Variants in ALDH1A2 observed in about 807,000 individuals in gnomAD.
The protein encoded by ALDH1A2 is aldehyde dehydrogenase 1 family member A2, also known as retinal dehydrogenase 2.
A neutral mutation model predicts 60.3 loss-of-function variants in ALDH1A2; 27 were observed. The ratio of observed to expected loss-of-function variants is 0.45; its 90% CI spans 0.33 to 0.62. The LOEUF (loss-of-function observed/expected upper bound fraction) is 0.62. ALDH1A2 is among the 20% of genes least tolerant of loss of function. The pLI is 0.02. For missense variants in ALDH1A2, 581 were observed against 643.8 expected, an observed-to-expected ratio of 0.90 and a Z score of 1.06; for synonymous variants, 289 against 232.4, an observed-to-expected ratio of 1.24 and a Z score of -2.21.
chr15:58,008,896 A>T (rs1345236776), intron 4 of ALDH1A2, among the ~76,000 whole-genome samples: 2 of 152,060 alleles, frequency 1.3e-5, no homozygotes, highest in African/African-American at 4.8e-5. Context: ...GGCCATCCCC[A>T]CATCTTGCAA....
intron 1 of ALDH1A2, among the ~76,000 whole-genome samples, chr15:58,043,352 T>G (rs574876033): frequency 1.1e-4 from 17 of 152,136 alleles, no homozygotes; most frequent in Admixed American, 2.0e-4. Flanking sequence ...TTACAACCCT[T>G]GAGTTCTAAT....
chr15:58,046,145 C>G (rs1299035250), intron 1 of ALDH1A2, among the ~76,000 whole-genome samples: 1 of 151,982 alleles, frequency 6.6e-6, no homozygotes, highest in African/African-American at 2.4e-5. Flanking sequence ...TCCCAAACCA[C>G]AAAGGAATAG....
chr15:57,980,157 A>G (rs1281839046), intron 7 of ALDH1A2: 3 of 284,978 alleles, frequency 1.1e-5, no homozygotes, highest in Non-Finnish European at 2.2e-5. Flanking sequence ...CCGATGACGC[A>G]CTGGCCAGCC....
At chr15:57,965,150 C>G (rs1299073348) in intron 8 of ALDH1A2, among the ~76,000 whole-genome samples, 3 of 152,138 alleles carry the variant, frequency 2.0e-5, no homozygotes, top group Non-Finnish European at 4.4e-5. Context: ...AGTTACTTCT[C>G]TAAGCCTCTG....
At chr15:58,004,506 G>C (rs1017291646) in intron 4 of ALDH1A2, among the ~76,000 whole-genome samples, 1 of 151,550 alleles carries the variant, frequency 6.6e-6, no homozygotes, top group Non-Finnish European at 1.5e-5. Context: ...CTCCCAATGT[G>C]TATTAGGTCT....
At chr15:57,992,466 G>T (rs1894928050) in intron 7 of ALDH1A2, among the ~76,000 whole-genome samples, 1 of 152,138 alleles carries the variant, frequency 6.6e-6, no homozygotes, top group South Asian at 2.1e-4. Flanking sequence ...CACCTTCTGG[G>T]ATAGTTCTTA....
intron 1 of ALDH1A2, among the ~76,000 whole-genome samples, chr15:58,058,738 G>C (rs957949561): frequency 6.6e-6 from 1 of 152,128 alleles, no homozygotes; most frequent in African/African-American, 2.4e-5. Flanking sequence ...GCTCTCCAAA[G>C]GTCAGACAGT....
chr15:58,046,103 A>G (rs1896633232), intron 1 of ALDH1A2, among the ~76,000 whole-genome samples: 1 of 152,060 alleles, frequency 6.6e-6, no homozygotes, highest in African/African-American at 2.4e-5. Flanking sequence ...ACTCCCTGCA[A>G]CAAAGGCTTT....
intron 7 of ALDH1A2, chr15:57,980,316 G>C (rs1372049381): frequency 1.4e-5 from 6 of 419,380 alleles, no homozygotes; most frequent in Admixed American, 9.7e-5. Context: ...CTCTCAAACA[G>C]GTTGTTGGCC....
At chr15:58,056,700 A>C (rs1363636562) in intron 1 of ALDH1A2, among the ~76,000 whole-genome samples, 1 of 152,156 alleles carries the variant, frequency 6.6e-6, no homozygotes, top group Admixed American at 6.5e-5. Flanking sequence ...AACTGATAAC[A>C]AATCAGTAAA....
At chr15:57,965,253 C>T (rs917174450) in intron 8 of ALDH1A2, among the ~76,000 whole-genome samples, 11 of 152,260 alleles carry the variant, frequency 7.2e-5, no homozygotes, top group African/African-American at 2.4e-4. Flanking sequence ...GAAAGTCATG[C>T]GAGCAACAGA....
intron 12 of ALDH1A2, among the ~76,000 whole-genome samples, chr15:57,959,648 T>C (rs35016264): frequency 0.062 from 9,377 of 152,210 alleles, 320 homozygotes; most frequent in East Asian, 0.13. Flanking sequence ...AACCCTGAGG[T>C]AGGTAGTATA....
intron 12 of ALDH1A2, among the ~76,000 whole-genome samples, chr15:57,959,404 A>G (rs1295084492): frequency 6.6e-6 from 1 of 152,224 alleles, no homozygotes; most frequent in African/African-American, 2.4e-5. Flanking sequence ...TAAGAACTGA[A>G]CAAATATGAC....
chr15:57,978,201 T>C (rs1383090001), intron 7 of ALDH1A2, among the ~76,000 whole-genome samples: 3 of 152,202 alleles, frequency 2.0e-5, no homozygotes, highest in South Asian at 2.1e-4. Flanking sequence ...TTTTGCCTGA[T>C]TGCCCTGACC....
At chr15:57,971,179 C>T (rs1894052611) in intron 7 of ALDH1A2, among the ~76,000 whole-genome samples, 1 of 152,224 alleles carries the variant, frequency 6.6e-6, no homozygotes, top group Non-Finnish European at 1.5e-5. Flanking sequence ...TGGAACATGC[C>T]TGTGTGTCTT....
At chr15:57,975,227 G>A (rs1213862994) in intron 7 of ALDH1A2, among the ~76,000 whole-genome samples, 1 of 151,566 alleles carries the variant, frequency 6.6e-6, no homozygotes, top group African/African-American at 2.4e-5. Context: ...GGACATACAT[G>A]TCCATACAAA....
chr15:57,954,857 G>T lies in ALDH1A2; in HGVS notation c.*340C>A, dbSNP rs771490809. Reference sequence around the variant, plus strand: ...GGAGAAAGGTCACCTTTCCTTGAGAGGAAAGTTCTTTGTGACAAAGACATG... The same window carrying T: ...GGAGAAAGGTCACCTTTCCTTGAGATGAAAGTTCTTTGTGACAAAGACATG... On this transcript the variant is annotated 3_prime_UTR_variant, in exon 13 of 13. Transcript: ENST00000249750. The T allele has an allele frequency of 1.5e-4, 53 of 348,788 alleles. No individual in the cohort carries two copies. Among genetic ancestry groups the T allele is most frequent in the Non-Finnish European group, 5.5e-6 (1 of 183,274 alleles). The allele number at this position is 348,788 out of a possible 1,614,324, so 21.6% of individuals were successfully genotyped here.
At chr15:58,007,983 C>T (rs1895513081) in intron 4 of ALDH1A2, among the ~76,000 whole-genome samples, 1 of 152,240 alleles carries the variant, frequency 6.6e-6, no homozygotes, top group South Asian at 2.1e-4. Flanking sequence ...GCTACATTCA[C>T]TAAGCACTAG....
At chr15:58,060,392 C>G (rs116736486) in intron 1 of ALDH1A2, among the ~76,000 whole-genome samples, 2,516 of 150,218 alleles carry the variant, frequency 0.017, 39 homozygotes, top group African/African-American at 0.042. Flanking sequence ...AAAGTAGATA[C>G]TATTATCTCA....
Sources: allele counts gnomAD v4.1 joint callset (sites outside exome capture counted in the v4.1 genomes callset), GRCh38; gene constraint gnomAD v4.1.1; transcripts MANE v1.5; gene names NCBI Gene and HGNC (gene_info 2026-07-23, HGNC 2026-07-21).